NID1: variants seen among roughly 807,000 people sequenced by gnomAD.
NID1 encodes the protein nidogen-1.
In NID1, 76 loss-of-function variants were observed where a neutral mutation model predicts 130.6. That is an observed-to-expected ratio of 0.58 (90% confidence interval 0.48 to 0.70). NID1 has a LOEUF of 0.70. Ranked by LOEUF, NID1 falls within the 30% of genes least tolerant of loss-of-function variation. NID1 has a pLI of 0.00. For synonymous variants in NID1, 665 were observed against 675.1 expected, an observed-to-expected ratio of 0.98 and a Z score of 0.23; for missense variants, 1,517 against 1,664.8, an observed-to-expected ratio of 0.91 and a Z score of 1.54.
chr1:236,057,276 A>T (rs558305399), intron 1 of NID1, among the ~76,000 whole-genome samples: 1 of 152,096 alleles, frequency 6.6e-6, no homozygotes, highest in Non-Finnish European at 1.5e-5. Flanking sequence ...TACATGGATT[A>T]TGGGATCGCA....
At chr1:236,012,361 A>G (rs772657145) in intron 11 of NID1, among the ~76,000 whole-genome samples, 26 of 152,204 alleles carry the variant, frequency 1.7e-4, no homozygotes, top group African/African-American at 5.8e-4. Context: ...GTTCAAGACC[A>G]GCCTGGCCAA....
chr1:236,042,166 A>G lies in NID1; in HGVS notation c.879T>C (p.Asp293=). ...TEDGAEYDDE[D]EDYDLATTRL... Reference sequence around the variant, plus strand: ...GAGTGGTCGCCAGGTCATAATCTTCATCCTCATCATCATACTCTGCCCCAT... The same window carrying G: ...GAGTGGTCGCCAGGTCATAATCTTCGTCCTCATCATCATACTCTGCCCCAT... Residue 293 remains aspartate (D), a synonymous_variant, in exon 4 of 20, where the codon GAT becomes GAC. Transcript: ENST00000264187. The G allele has an allele frequency of 3.7e-6, 6 of 1,613,818 alleles. No homozygotes were observed. The highest frequency in any genetic ancestry group is 1.6e-4 in the Middle Eastern group (1 of 6,062).
chr1:236,018,149 G>C (rs1263499378), intron 9 of NID1, among the ~76,000 whole-genome samples: 1 of 152,098 alleles, frequency 6.6e-6, no homozygotes, highest in Non-Finnish European at 1.5e-5. Flanking sequence ...CAATACTACA[G>C]CCACCATCAT....
intron 12 of NID1, among the ~76,000 whole-genome samples, chr1:235,997,763 T>C (rs1441284070): frequency 1.3e-5 from 2 of 152,048 alleles, no homozygotes; most frequent in Non-Finnish European, 2.9e-5. Flanking sequence ...CCCACCACCA[T>C]GTCTGGCTAA....
At chr1:236,050,113 C>G (rs1273696219) in intron 1 of NID1, among the ~76,000 whole-genome samples, 1 of 151,806 alleles carries the variant, frequency 6.6e-6, no homozygotes, top group Non-Finnish European at 1.5e-5. Context: ...GCAAATTCAT[C>G]AATGTGTCCA....
intron 8 of NID1, 145 bp downstream of exon 8, chr1:236,025,751 C>A: frequency 8.5e-7 from 1 of 1,182,132 alleles, no homozygotes. Context: ...TCAAAAATAA[C>A]AAGACATTCT....
intron 1 of NID1, chr1:236,060,864 G>A (rs1660019744): frequency 6.6e-6 from 1 of 152,096 alleles, no homozygotes; most frequent in African/African-American, 2.4e-5. Context: ...AGGGCCTTGG[G>A]GTGTGAGACC....
At chr1:236,017,867 T>C (rs1361517500) in intron 9 of NID1, among the ~76,000 whole-genome samples, 1 of 152,162 alleles carries the variant, frequency 6.6e-6, no homozygotes, top group Admixed American at 6.5e-5. Flanking sequence ...GCCAAATACA[T>C]GTTACAAGGA....
At chr1:235,980,786 G>A (rs1304242315) in intron 16 of NID1, 133 bp from the exon 17 acceptor site, 4 of 977,710 alleles carry the variant, frequency 4.1e-6, no homozygotes, top group Admixed American at 3.0e-5. Flanking sequence ...TGAAAGGATC[G>A]AGAGGTGATA....
chr1:236,047,903 G>A (rs945712559), intron 2 of NID1, among the ~76,000 whole-genome samples: 3 of 151,630 alleles, frequency 2.0e-5, no homozygotes, highest in Admixed American at 6.6e-5. Flanking sequence ...GCCCATGCCT[G>A]TAATCCCAGC....
Position 236,025,907 on chromosome 1 carries a change from C to T in NID1, c.1973G>A (p.Gly658Glu). The stretch of plus-strand genomic sequence containing the variant: ...CTGTATCCCCTTACCCCTCACAGGC[C>T]CAATGGAGTTGCTGAGAGCATAGCG... ...ILRYALSNSIGPVREGSPDAL... is the reference protein window; with the variant it reads ...ILRYALSNSIEPVREGSPDAL... Residue 658 changes from glycine (G) to glutamate (E), a missense_variant, in exon 8 of 20, where the codon GGG becomes GAG. By Grantham distance (98) the Gly-to-Glu change is moderately conservative (BLOSUM62 -2). Coordinates refer to ENST00000264187, the MANE Select transcript of NID1 (RefSeq NM_002508.3). The T allele has an allele frequency of 6.2e-7, 1 of 1,613,964 alleles. No homozygotes were observed. Among genetic ancestry groups the T allele is most frequent in the Non-Finnish European group, 8.5e-7 (1 of 1,179,970 alleles).
At chr1:236,059,531 G>A (rs1394503043) in intron 1 of NID1, among the ~76,000 whole-genome samples, 2 of 152,136 alleles carry the variant, frequency 1.3e-5, no homozygotes, top group African/African-American at 4.8e-5. Context: ...ATGAGTTTTA[G>A]TTTATATAAC....
At chr1:236,043,607 G>A (rs1659516277) in intron 3 of NID1, among the ~76,000 whole-genome samples, 1 of 152,014 alleles carries the variant, frequency 6.6e-6, no homozygotes, top group Non-Finnish European at 1.5e-5. Context: ...GACCATCCTG[G>A]CTAACATGGT....
chr1:235,994,128 AAG>A (rs1170517226), intron 12 of NID1, among the ~76,000 whole-genome samples: 3 of 152,234 alleles, frequency 2.0e-5, no homozygotes, highest in African/African-American at 7.2e-5. Context: ...TTGAGGCAAA[AAG>A]AAATGAAGCA....
Position 236,034,422 on chromosome 1 carries a change from C to CAAAAAAAAAAA in NID1, c.1286-1781_1286-1771dup, listed in dbSNP as rs144657585. On this transcript the variant is annotated intron_variant, in intron 5 of 19. Transcript: ENST00000264187. ...GGGCAATAAGAGCGAAACTCCATCT[C>CAAAAAAAAAAA]AAAAAAAAAAAAAAAAGAAAGAAAG... is the stretch of plus-strand genomic sequence containing the variant. Among the ~76,000 whole-genome samples the CAAAAAAAAAAA allele has an allele frequency of 5.8e-4, 54 of 92,612 alleles. 1 individual carries two copies. Among genetic ancestry groups the CAAAAAAAAAAA allele is most frequent in the African/African-American group, 1.9e-3 (50 of 25,830 alleles). The allele number at this position is 92,612 out of a possible 152,430, so 60.8% of individuals were successfully genotyped here. A position where few individuals can be genotyped will look rare whatever the true frequency, so the allele number is the denominator to read the frequency against.
rs1014351669 is a variant in NID1, at chr1:236,046,757, G to A, written c.526-1074C>T. 3.3e-5 allele frequency among the ~76,000 whole-genome samples: 5 copies of A among 152,340 alleles called. No homozygotes were observed. In the South Asian group the frequency reaches 8.3e-4, roughly 25 times the overall value. On this transcript the variant is annotated intron_variant, in intron 2 of 19. Coordinates refer to ENST00000264187, the MANE Select transcript of NID1 (RefSeq NM_002508.3). ...AGGCATTTATCACCCAAGTGAAAGG[G>A]AGGCAGCTGAGACACTTAACATTTA...
At chr1:236,045,990 C>T (rs993177246) in intron 2 of NID1, among the ~76,000 whole-genome samples, 1 of 152,176 alleles carries the variant, frequency 6.6e-6, no homozygotes, top group Non-Finnish European at 1.5e-5. Context: ...TAAAATCTCA[C>T]GCAGTTTAGG....
intron 4 of NID1, 100 bp downstream of exon 4, chr1:236,041,810 C>A: frequency 7.0e-7 from 1 of 1,437,594 alleles, no homozygotes; most frequent in South Asian, 1.4e-5. Flanking sequence ...TCTTTACAAA[C>A]CACCATGTAA....
At chr1:236,061,805 G>A (rs527898772) in intron 1 of NID1, among the ~76,000 whole-genome samples, 2 of 151,510 alleles carry the variant, frequency 1.3e-5, no homozygotes, top group African/African-American at 2.4e-5. Flanking sequence ...AAACACAAAC[G>A]GCCAATGAGC....
Sources: gnomAD v4.1 joint callset for allele counts (sites outside exome capture counted in the v4.1 genomes callset) on GRCh38, gnomAD v4.1.1 for gene constraint, MANE v1.5 for transcripts, NCBI Gene and HGNC (gene_info 2026-07-23, HGNC 2026-07-21) for gene names.